NUP88: variants seen among roughly 807,000 people sequenced by gnomAD.
NUP88 encodes the protein nuclear pore complex protein Nup88.
NUP88 carries 57 observed loss-of-function variants against 93.9 expected under a neutral mutation model. The ratio of observed to expected loss-of-function variants is 0.61; its 90% CI spans 0.49 to 0.76. NUP88 has a LOEUF of 0.76. Ranked by LOEUF, NUP88 falls within the 30% of genes least tolerant of loss-of-function variation. NUP88 has a pLI of 0.00. For missense variants in NUP88, 911 were observed against 901.0 expected, an observed-to-expected ratio of 1.01 and a Z score of -0.14; for synonymous variants, 346 against 336.8, an observed-to-expected ratio of 1.03 and a Z score of -0.30.
intron 2 of NUP88, among the ~76,000 whole-genome samples, chr17:5,416,300 C>A (rs2301740): frequency 0.44 from 65,761 of 151,036 alleles, 15,066 homozygotes; most frequent in East Asian, 0.84. Context: ...GGCCTAGCCT[C>A]AAATGAGACA....
At chr17:5,392,448 T>G (rs1912498212) in intron 9 of NUP88, among the ~76,000 whole-genome samples, 1 of 152,230 alleles carries the variant, frequency 6.6e-6, no homozygotes, top group Admixed American at 6.5e-5. Flanking sequence ...TTGAAAACAC[T>G]AGTTCCCCTT....
intron 10 of NUP88, 79 bp from the exon 11 acceptor site, chr17:5,389,039 C>T: frequency 1.0e-6 from 1 of 996,750 alleles, no homozygotes; most frequent in Non-Finnish European, 1.4e-6. Context: ...CACATTAATC[C>T]AGAACTTTCA....
rs565118912 is a variant in NUP88 at position 5,389,894 on chromosome 17, G to A, written c.1485-934C>T. On this transcript the variant is annotated intron_variant, in intron 10 of 16. Transcript: ENST00000573584. ...AGTATCCAGATAATTGGCCTGGCAC[G>A]GTGGCTCATGCCTGTAATCCCAGCA... Among the ~76,000 whole-genome samples the A allele has an allele frequency of 3.3e-5, 5 of 151,762 alleles. No individual in the cohort carries two copies. In the South Asian group the frequency reaches 6.3e-4, roughly 19 times the overall value.
chr17:5,408,026 G>A (rs1437386975), intron 5 of NUP88, among the ~76,000 whole-genome samples: 2 of 151,836 alleles, frequency 1.3e-5, no homozygotes, highest in South Asian at 2.1e-4. Flanking sequence ...CTCTTTTAAC[G>A]AGGTATTTTT....
rs1911850889 is a variant in NUP88, at chr17:5,385,215, C to T, written c.*991G>A. The T allele has an allele frequency of 8.7e-6, 2 of 230,110 alleles. No homozygotes were observed. 14.3% of individuals were successfully genotyped at this position (230,110 alleles called of 1,614,324 possible). A position where few individuals can be genotyped will look rare whatever the true frequency, so the allele number is the denominator to read the frequency against. On this transcript the variant is annotated 3_prime_UTR_variant, in exon 17 of 17. Coordinates refer to ENST00000573584, the MANE Select transcript of NUP88 (RefSeq NM_002532.6). ...TGTGTTTCTGGTATGAAACAAACTA[C>T]TGTGTCACTGTCCAGGTAGGAAACA...
rs369204716 is a variant in NUP88, at chr17:5,408,876, T to C, written c.714A>G (p.Ala238=). ...RAYTASLGET[A]VAFDFGPLAA... is the part of the protein sequence containing the mutation. ...CCAATGGCCCAAAGTCAAATGCAAC[T>C]GCTGTCTCTCCTAGAGATGCGGTAT... Residue 238 remains alanine (A), a synonymous_variant, in exon 5 of 17, where the codon GCA becomes GCG. Transcript: ENST00000573584. 21 of 1,613,218 alleles carry C rather than the reference T, an allele frequency of 1.3e-5. No homozygotes were observed. The African/African-American group carries it at 2.4e-4, about 18-fold the overall frequency.
At chr17:5,394,196 C>A (rs1382463604) in intron 9 of NUP88, among the ~76,000 whole-genome samples, 1 of 152,088 alleles carries the variant, frequency 6.6e-6, no homozygotes, top group Non-Finnish European at 1.5e-5. Flanking sequence ...ATGATTACGG[C>A]AGAAGTTACT....
chr17:5,387,231 G>A, intron 14 of NUP88, 121 bp from the exon 15 acceptor site: 3 of 1,306,966 alleles, frequency 2.3e-6, no homozygotes, highest in Admixed American at 1.9e-5. Context: ...GAAGGGTTAG[G>A]GGAGAGCCTC....
chr17:5,400,539 TAAATATGAAC>T (rs1913096697), intron 7 of NUP88, among the ~76,000 whole-genome samples: 1 of 151,626 alleles, frequency 6.6e-6, no homozygotes, highest in Non-Finnish European at 1.5e-5. Flanking sequence ...TGTTATTTTC[TAAATATGAAC>T]ACAATGAGGT....
chr17:5,392,162 C>G (rs1030481085), intron 9 of NUP88, among the ~76,000 whole-genome samples: 1 of 152,206 alleles, frequency 6.6e-6, no homozygotes, highest in Non-Finnish European at 1.5e-5. Flanking sequence ...AACTGTCATT[C>G]TGCCAACATG....
In NUP88 at chr17:5,404,524, G is replaced by C. The variant is rs150499019; in HGVS notation, c.1045-278C>G. ...AGCTACTGGGGAGGCTGACGCAAGA[G>C]AATCGCTTGAACTCAGGAGGCAGAG... On this transcript the variant is annotated intron_variant, in intron 6 of 16. Coordinates refer to ENST00000573584, the MANE Select transcript of NUP88 (RefSeq NM_002532.6). Among the ~76,000 whole-genome samples, 524 of 152,146 alleles carry C rather than the reference G, an allele frequency of 3.4e-3. 3 individuals carry two copies. Among genetic ancestry groups the C allele is most frequent in the African/African-American group, 0.012 (497 of 41,486 alleles).
intron 7 of NUP88, among the ~76,000 whole-genome samples, chr17:5,403,714 G>A (rs556469817): frequency 6.6e-6 from 1 of 152,270 alleles, no homozygotes; most frequent in East Asian, 1.9e-4. Flanking sequence ...GACACAGGTT[G>A]ATTCAGCATC....
In NUP88 at chr17:5,388,863, A is replaced by C; in HGVS notation, c.1582T>G (p.Ser528Ala). 2 of 1,614,086 alleles carry C rather than the reference A, an allele frequency of 1.2e-6. No homozygotes were observed. The highest frequency in any genetic ancestry group is 1.7e-6 in the Non-Finnish European group (2 of 1,179,976). ...PLRVLAETPD[S>A]FEKHIRSILQ... ...ATGCTTCTAATATGCTTTTCAAAGGAATCTGGGGTTTCAGCCAGAACACGG... is the reference window on the plus strand; with the variant it reads ...ATGCTTCTAATATGCTTTTCAAAGGCATCTGGGGTTTCAGCCAGAACACGG... The change falls in exon 11 of 17, where the codon TCC (serine) becomes GCC (alanine). Residue 528 changes from serine to alanine, a missense_variant. By Grantham distance (99) the Ser-to-Ala change is moderately conservative. Transcript: ENST00000573584.
intron 16 of NUP88, 118 bp from the exon 17 acceptor site, chr17:5,386,387 C>T (rs1597310459): frequency 1.2e-6 from 1 of 816,764 alleles, no homozygotes; most frequent in Non-Finnish European, 2.0e-6. Context: ...AAATTAACAG[C>T]TGAAGGTTTC....
In NUP88 at chr17:5,394,915, A is replaced by AG. The variant is rs1293635937; in HGVS notation, c.1357dup (p.Leu453ProfsTer22). ...CCTGCAGGGCAATGGCTTCGTACAAAGGATGTGTTCAACAAAGCATTTCTG... is the reference window on the plus strand; with the variant it reads ...CCTGCAGGGCAATGGCTTCGTACAAAGGGATGTGTTCAACAAAGCATTTCTG... On this transcript the variant is annotated frameshift_variant, in exon 9 of 17. Coordinates refer to ENST00000573584, the MANE Select transcript of NUP88 (RefSeq NM_002532.6). LOFTEE classifies it high-confidence loss of function. The AG allele has an allele frequency of 1.2e-6, 2 of 1,613,366 alleles. No homozygotes were observed. Among genetic ancestry groups the AG allele is most frequent in the Non-Finnish European group, 8.5e-7 (1 of 1,179,370 alleles).
intron 8 of NUP88, among the ~76,000 whole-genome samples, chr17:5,399,144 G>T (rs542554761): frequency 6.7e-6 from 1 of 149,994 alleles, no homozygotes; most frequent in Non-Finnish European, 1.5e-5. Context: ...ACCCACCTCG[G>T]CCTCCCAAAG....
At position 5,386,263 on chromosome 17, in the gene NUP88, T is replaced by A; in HGVS notation, c.2169A>T (p.Glu723Asp). 1 of 1,608,816 alleles carries A rather than the reference T, an allele frequency of 6.2e-7. No homozygotes were observed. Among genetic ancestry groups the A allele is most frequent in the Non-Finnish European group, 8.5e-7 (1 of 1,177,488 alleles). ...TTTGCTTCACCATTTCCCTTATATG[T>A]TCACCCCTGTAAAATTGTAAAGTCA... Reference protein sequence around the residue: ...CIQSILKEEGEHIREMVKQIN... With the variant: ...CIQSILKEEGDHIREMVKQIN... The change falls in exon 17 of 17, where the codon GAA becomes GAT. Residue 723 changes from glutamate (E) to aspartate (D), a missense_variant. Transcript: ENST00000573584.
chr17:5,415,804 C>T (rs1220561259), intron 2 of NUP88, among the ~76,000 whole-genome samples: 2 of 152,200 alleles, frequency 1.3e-5, no homozygotes, highest in South Asian at 2.1e-4. Flanking sequence ...GTACTCTTTT[C>T]AGTAGATCTT....
intron 10 of NUP88, 194 bp downstream of exon 10, chr17:5,391,367 A>G: frequency 3.8e-6 from 2 of 530,962 alleles, no homozygotes; most frequent in Non-Finnish European, 6.7e-6. Flanking sequence ...AGGGGATGCC[A>G]GAAACTATAC....
Sources: allele counts gnomAD v4.1 joint callset (sites outside exome capture counted in the v4.1 genomes callset), GRCh38; gene constraint gnomAD v4.1.1; transcripts MANE v1.5; gene names NCBI Gene and HGNC (gene_info 2026-07-23, HGNC 2026-07-21).